DLG2: variants seen among roughly 807,000 people sequenced by gnomAD.
The protein encoded by DLG2 is disks large homolog 2.
DLG2 carries 45 observed loss-of-function variants against 132.5 expected under a neutral mutation model. That is an observed-to-expected ratio of 0.34 (90% confidence interval 0.27 to 0.44). The LOEUF (loss-of-function observed/expected upper bound fraction) is 0.44, where lower values mean the gene tolerates loss of function less well. Ranked by LOEUF, DLG2 falls within the 20% of genes least tolerant of loss-of-function variation. DLG2 has a pLI of 1.00. For synonymous variants in DLG2, 424 were observed against 419.6 expected (o/e 1.01, Z -0.13); for missense variants, 1,045 against 1,196.9 (o/e 0.87, Z 1.87).
At chr11:85,183,177 T>C (rs575855474) in intron 4 of DLG2, among the ~76,000 whole-genome samples, 2 of 151,824 alleles carry the variant, frequency 1.3e-5, no homozygotes, top group Non-Finnish European at 2.9e-5. Flanking sequence ...AAGTACGTGA[T>C]CCAGTATGAA....
chr11:84,488,431 A>T (rs1762185264), intron 7 of DLG2, among the ~76,000 whole-genome samples: 1 of 151,984 alleles, frequency 6.6e-6, no homozygotes, highest in Non-Finnish European at 1.5e-5. Flanking sequence ...GCTGCATGGG[A>T]GCTTTGCCAA....
chr11:84,318,847 G>T (rs775187109), intron 7 of DLG2, among the ~76,000 whole-genome samples: 1 of 152,062 alleles, frequency 6.6e-6, no homozygotes, highest in Non-Finnish European at 1.5e-5. Flanking sequence ...CTTTCACACC[G>T]TCCACCACAA....
chr11:84,429,840 C>T (rs80347089), intron 7 of DLG2, among the ~76,000 whole-genome samples: 1,598 of 152,210 alleles, frequency 0.01, 23 homozygotes, highest in African/African-American at 0.036. Flanking sequence ...AGAGGAATAT[C>T]ATTCTAAAGT....
rs944358927 is a variant in DLG2, at chr11:85,245,259, A to G, written c.186+39961T>C. On this transcript the variant is annotated intron_variant, in intron 4 of 27. Transcript: ENST00000376104. ...ATCTTCTGTTGTATATCTAATAGGA[A>G]TTTCAAGTTCAGTCTATAAAAACTT... Among the ~76,000 whole-genome samples, 83 of 152,068 alleles carry G rather than the reference A, an allele frequency of 5.5e-4. 1 individual carries two copies. Among genetic ancestry groups the G allele is most frequent in the Admixed American group, 5.3e-3 (80 of 15,210 alleles).
At chr11:85,502,083 C>A (rs1010387629) in intron 3 of DLG2, among the ~76,000 whole-genome samples, 6 of 152,096 alleles carry the variant, frequency 3.9e-5, no homozygotes, top group Admixed American at 2.6e-4. Context: ...GAATACTATG[C>A]AGCCATAAAA....
At chr11:84,895,345 G>A (rs540945559) in intron 6 of DLG2, among the ~76,000 whole-genome samples, 1 of 152,186 alleles carries the variant, frequency 6.6e-6, no homozygotes, top group East Asian at 1.9e-4. Flanking sequence ...AGCAGTGGGA[G>A]AAAGATATAA....
intron 4 of DLG2, among the ~76,000 whole-genome samples, chr11:85,189,409 G>A (rs2080356191): frequency 6.6e-6 from 1 of 152,104 alleles, no homozygotes. Flanking sequence ...ATGCTATTTG[G>A]CAATATAAAA....
In DLG2 at chr11:84,634,475, C is replaced by T. The variant is rs73511189; in HGVS notation, c.358-99744G>A. Among the ~76,000 whole-genome samples, 259 of 152,224 alleles carry T rather than the reference C, an allele frequency of 1.7e-3. 1 individual carries two copies. The highest frequency in any genetic ancestry group is 5.8e-3 in the African/African-American group (240 of 41,548). ...TCAACCAGTTTCAGCCAGTCACAGG[C>T]GGACAACTATTCAAACTGTGTTCAA... On this transcript the variant is annotated intron_variant, in intron 6 of 27. Transcript: ENST00000376104.
intron 16 of DLG2, among the ~76,000 whole-genome samples, chr11:83,840,958 T>TC (rs2057394262): frequency 6.6e-6 from 1 of 152,204 alleles, no homozygotes. Context: ...GTCTTTTTTT[T>TC]CCTTTTATAT....
At chr11:84,969,265 A>G (rs912936456) in intron 6 of DLG2, among the ~76,000 whole-genome samples, 3 of 152,088 alleles carry the variant, frequency 2.0e-5, no homozygotes, top group African/African-American at 7.2e-5. Context: ...GCAGTATCTA[A>G]AGTGACCATA....
chr11:84,600,586 A>G (rs1158804934), intron 6 of DLG2, among the ~76,000 whole-genome samples: 1 of 152,190 alleles, frequency 6.6e-6, no homozygotes, highest in Admixed American at 6.5e-5. Flanking sequence ...CTTCAAATAT[A>G]ATGCTCTTTT....
chr11:83,598,503 G>A (rs1018987089), intron 19 of DLG2, among the ~76,000 whole-genome samples: 1 of 152,294 alleles, frequency 6.6e-6, no homozygotes, highest in Non-Finnish European at 1.5e-5. Context: ...ACTGCTGGCC[G>A]TGTGATCTTC....
intron 6 of DLG2, among the ~76,000 whole-genome samples, chr11:84,947,816 T>C (rs530171209): frequency 8.3e-4 from 127 of 152,372 alleles, no homozygotes; most frequent in Admixed American, 1.5e-3. Flanking sequence ...ATTAATAGTA[T>C]GCTCTTTTAC....
chr11:84,900,723 C>A (rs976025690), intron 6 of DLG2, among the ~76,000 whole-genome samples: 1 of 151,998 alleles, frequency 6.6e-6, no homozygotes, highest in Non-Finnish European at 1.5e-5. Context: ...CTTCAATTCA[C>A]TTTTCACACA....
chr11:85,169,128 C>A (rs1319663334), intron 4 of DLG2, among the ~76,000 whole-genome samples: 3 of 152,058 alleles, frequency 2.0e-5, no homozygotes. Context: ...ACTTATAATA[C>A]CAAATACAAT....
At chr11:84,896,423 A>G (rs2090192925) in intron 6 of DLG2, among the ~76,000 whole-genome samples, 1 of 152,066 alleles carries the variant, frequency 6.6e-6, no homozygotes, top group African/African-American at 2.4e-5. Flanking sequence ...TGATATACTC[A>G]TCAACAGCAA....
intron 6 of DLG2, among the ~76,000 whole-genome samples, chr11:85,087,841 T>C (rs1299081455): frequency 1.8e-5 from 1 of 56,084 alleles, no homozygotes; most frequent in Non-Finnish European, 3.3e-5. Flanking sequence ...CGAGACTCCG[T>C]CTCAAAAAAA....
At chr11:84,868,372 T>C (rs2084955630) in intron 6 of DLG2, among the ~76,000 whole-genome samples, 1 of 152,152 alleles carries the variant, frequency 6.6e-6, no homozygotes, top group African/African-American at 2.4e-5. Context: ...ACATGCCCTT[T>C]GATCTATTCA....
At chr11:85,162,944 G>C (rs1041345437) in intron 4 of DLG2, among the ~76,000 whole-genome samples, 2 of 152,110 alleles carry the variant, frequency 1.3e-5, no homozygotes, top group Non-Finnish European at 2.9e-5. Flanking sequence ...GGGAAAGGCA[G>C]ACCCACCCTT....
Sources: gnomAD v4.1 joint callset for allele counts (sites outside exome capture counted in the v4.1 genomes callset) on GRCh38, gnomAD v4.1.1 for gene constraint, MANE v1.5 for transcripts, NCBI Gene and HGNC (gene_info 2026-07-23, HGNC 2026-07-21) for gene names.